The following SFSWAP variants were observed in gnomAD, a reference collection of about 807,000 sequenced individuals.
SFSWAP encodes splicing factor SWAP.
In SFSWAP, 17 loss-of-function variants were observed where a neutral mutation model predicts 100.7. The observed-to-expected ratio is 0.17, with a 90% confidence interval of 0.12 to 0.25. The LOEUF is 0.25. Among genes scored for constraint, SFSWAP ranks in the 10% least tolerant of loss-of-function variants. The pLI, the probability that SFSWAP is intolerant of heterozygous loss-of-function variation, is 1.00. For missense variants in SFSWAP, 1,005 were observed against 1,262.6 expected (o/e 0.80, Z 3.09); for synonymous variants, 504 against 510.1 (o/e 0.99, Z 0.16).
rs1022900600 is a variant in SFSWAP, at chr12:131,711,671, G to C, written c.218+224G>C. On this transcript the variant is annotated intron_variant, in intron 1 of 17. Transcript: ENST00000261674. This position sits in a 1 kb window ranked among gnomAD's most constrained non-coding sequence, Gnocchi z 4.9. ...GGAATTGCGTGCCGCGTCCGTCTCC[G>C]GAGGGATCGTCTCTGGTCCCGCAGC... The C allele has an allele frequency of 3.6e-6, 2 of 548,640 alleles. No individual in the cohort carries two copies. The highest frequency in any genetic ancestry group is 6.5e-5 in the Admixed American group (2 of 30,734). 34.0% of individuals were successfully genotyped at this position (548,640 alleles called of 1,614,324 possible).
rs1403081200 is a variant in SFSWAP, at chr12:131,734,101, C to T, written c.1081+5673C>T. ...ACAGCTCAGGTGACAGTGACACCTG[C>T]AGCGGAGGCTGGGGAAGCATCAGAG... On this transcript the variant is annotated intron_variant, in intron 7 of 17. Transcript: ENST00000261674. The surrounding 1 kb of genome is among the most constrained non-coding windows in gnomAD (Gnocchi z 4.9). 6.6e-6 allele frequency among the ~76,000 whole-genome samples: 1 copy of T among 152,236 alleles called. No individual in the cohort carries two copies. Among genetic ancestry groups the T allele is most frequent in the Non-Finnish European group, 1.5e-5 (1 of 68,038 alleles).
In SFSWAP at chr12:131,725,185, T is replaced by C. The variant is rs1425462017; in HGVS notation, c.607-220T>C. 1.3e-5 allele frequency among the ~76,000 whole-genome samples: 2 copies of C among 152,152 alleles called. No homozygotes were observed. The highest frequency in any genetic ancestry group is 6.5e-5 in the Admixed American group (1 of 15,272). The stretch of plus-strand genomic sequence containing the variant: ...AGTCACCTCCCATGGGTCTGTACCA[T>C]GGTGGAGTGGCCTGCCTCAGCTGGC... On this transcript the variant is annotated intron_variant, in intron 4 of 17. Coordinates refer to ENST00000261674, the MANE Select transcript of SFSWAP (RefSeq NM_004592.4). This position sits in a 1 kb window ranked among gnomAD's most constrained non-coding sequence, Gnocchi z 4.3.
At chr12:131,766,372 G>T in intron 13 of SFSWAP, 64 bp downstream of exon 13, 1 of 1,447,598 alleles carries the variant, frequency 6.9e-7, no homozygotes, top group Non-Finnish European at 9.6e-7. Context: ...GGGAGGATGT[G>T]TCTCCCTCCA....
At chr12:131,716,158 G>A (rs1671454653) in intron 3 of SFSWAP, among the ~76,000 whole-genome samples, 1 of 152,236 alleles carries the variant, frequency 6.6e-6, no homozygotes, top group African/African-American at 2.4e-5. Context: ...TGGGGCAAAC[G>A]CACACACCGG....
chr12:131,750,252 G>A (rs1881499205), intron 7 of SFSWAP, among the ~76,000 whole-genome samples: 1 of 152,232 alleles, frequency 6.6e-6, no homozygotes, highest in Admixed American at 6.5e-5. Flanking sequence ...ATGAACCACT[G>A]TGGTGTTGGT....
intron 7 of SFSWAP, among the ~76,000 whole-genome samples, chr12:131,742,167 G>A (rs1593136300): frequency 6.6e-6 from 1 of 152,158 alleles, no homozygotes; most frequent in East Asian, 1.9e-4. Flanking sequence ...GTGTCAGGCA[G>A]GGCCCCAGGT....
At chr12:131,755,075 A>G (rs1459442194) in intron 9 of SFSWAP, among the ~76,000 whole-genome samples, 1 of 152,222 alleles carries the variant, frequency 6.6e-6, no homozygotes, top group East Asian at 1.9e-4. Context: ...CCTATAATTC[A>G]TGGTTTTCAA....
chr12:131,777,379 G>C (rs369862689), intron 13 of SFSWAP, among the ~76,000 whole-genome samples: 7 of 152,258 alleles, frequency 4.6e-5, no homozygotes, highest in African/African-American at 1.7e-4. Context: ...ACCTATGAGT[G>C]AGAACATGCG....
At chr12:131,741,665 A>G (rs530503296) in intron 7 of SFSWAP, among the ~76,000 whole-genome samples, 20 of 151,370 alleles carry the variant, frequency 1.3e-4, no homozygotes, top group African/African-American at 4.4e-4. Context: ...AAAAAACAGT[A>G]AACACCATTC....
chr12:131,772,111 T>C (rs1300697320), intron 13 of SFSWAP, among the ~76,000 whole-genome samples: 2 of 152,196 alleles, frequency 1.3e-5, no homozygotes, highest in African/African-American at 2.4e-5. Context: ...AAACATTTTT[T>C]CCCCGGTACA....
intron 7 of SFSWAP, among the ~76,000 whole-genome samples, chr12:131,731,260 G>C (rs991583595): frequency 1.1e-4 from 17 of 152,190 alleles, no homozygotes; most frequent in African/African-American, 4.1e-4. Flanking sequence ...ACGCAAGCCC[G>C]GGCAGTGCGG....
intron 15 of SFSWAP, among the ~76,000 whole-genome samples, chr12:131,790,908 A>G (rs1593194007): frequency 6.6e-6 from 1 of 152,250 alleles, no homozygotes; most frequent in Non-Finnish European, 1.5e-5. Context: ...TAAAAAGCCA[A>G]TAGCAGATAT....
chr12:131,727,092 C>T (rs1879047814), intron 6 of SFSWAP, 40 bp downstream of exon 6: 1 of 1,202,146 alleles, frequency 8.3e-7, no homozygotes, highest in South Asian at 1.3e-5. Flanking sequence ...TATGCCACCA[C>T]AAAACTTCTG....
chr12:131,751,506 C>T (rs889524660), intron 7 of SFSWAP, among the ~76,000 whole-genome samples: 1 of 152,264 alleles, frequency 6.6e-6, no homozygotes, highest in African/African-American at 2.4e-5. Flanking sequence ...GCTGCACTCT[C>T]TCCCCTGGAG....
intron 13 of SFSWAP, among the ~76,000 whole-genome samples, chr12:131,771,074 G>A (rs773645009): frequency 1.3e-5 from 2 of 152,138 alleles, no homozygotes; most frequent in Non-Finnish European, 1.5e-5. Flanking sequence ...GTTTGTTTCC[G>A]AACACTTTGG....
intron 16 of SFSWAP, among the ~76,000 whole-genome samples, chr12:131,798,014 A>T (rs1046076997): frequency 3.3e-5 from 5 of 152,246 alleles, no homozygotes; most frequent in African/African-American, 1.2e-4. Flanking sequence ...TTTGAGATGG[A>T]TTAGAATCTA....
rs569821792 is a variant in SFSWAP, at chr12:131,734,030, A to G, written c.1081+5602A>G. On this transcript the variant is annotated intron_variant, in intron 7 of 17. Transcript: ENST00000261674. This position sits in a 1 kb window ranked among gnomAD's most constrained non-coding sequence, Gnocchi z 4.9. Reference sequence around the variant, plus strand: ...GGCTTGCCACCATCATTTGGGAACTATTCTTCTGTCCTAGGTGAGTGCCCA... The same window carrying G: ...GGCTTGCCACCATCATTTGGGAACTGTTCTTCTGTCCTAGGTGAGTGCCCA... 4.6e-5 allele frequency among the ~76,000 whole-genome samples: 7 copies of G among 152,346 alleles called. 1 individual carries two copies. The South Asian group carries it at 1.0e-3, about 23-fold the overall frequency.
intron 1 of SFSWAP, 93 bp from the exon 2 acceptor site, chr12:131,713,974 ATGTG>A: frequency 2.7e-6 from 2 of 728,498 alleles, no homozygotes. Flanking sequence ...ATCGGTAAGT[ATGTG>A]TGTGTATATA....
At chr12:131,793,528 C>G (rs1199589662) in intron 15 of SFSWAP, among the ~76,000 whole-genome samples, 1 of 152,052 alleles carries the variant, frequency 6.6e-6, no homozygotes, top group African/African-American at 2.4e-5. Context: ...TTGAAGAAAA[C>G]ACAGAATATG....
Sources: allele counts gnomAD v4.1 joint callset (sites outside exome capture counted in the v4.1 genomes callset), GRCh38; gene constraint gnomAD v4.1.1; non-coding constraint Gnocchi (gnomAD v3.1); transcripts MANE v1.5; gene names NCBI Gene and HGNC (gene_info 2026-07-23, HGNC 2026-07-21).